Variants in EPHB4 observed in about 807,000 individuals in gnomAD.
EPHB4 encodes the protein ephrin type-B receptor 4.
Under a neutral mutation model 110.6 loss-of-function variants are expected in EPHB4, and 50 were observed. The ratio of observed to expected loss-of-function variants is 0.45; its 90% confidence interval spans 0.36 to 0.57. The LOEUF is 0.57. Among genes scored for constraint, EPHB4 ranks in the 20% least tolerant of loss-of-function variants. EPHB4 has a pLI of 0.00. For synonymous variants in EPHB4, 592 were observed against 578.4 expected (o/e 1.02, Z -0.34); for missense variants, 1,128 against 1,382.1 (o/e 0.82, Z 2.91).
intron 8 of EPHB4, among the ~76,000 whole-genome samples, chr7:100,816,171 A>G (rs1350295940): frequency 6.6e-6 from 1 of 152,026 alleles, no homozygotes; most frequent in Admixed American, 6.6e-5. Context: ...GTCTCAAAAA[A>G]AAAAATGTGA....
At chr7:100,826,846 C>T in intron 1 of EPHB4, 133 bp downstream of exon 1, 1 of 910,906 alleles carries the variant, frequency 1.1e-6, no homozygotes, top group Non-Finnish European at 1.5e-6. Context: ...CCAGCACTAT[C>T]GGTCCGAAGT....
chr7:100,823,413 G>A (rs938331997), intron 3 of EPHB4, among the ~76,000 whole-genome samples: 5 of 152,038 alleles, frequency 3.3e-5, no homozygotes, highest in Admixed American at 1.3e-4. Flanking sequence ...GTGACTGGAG[G>A]AGAAGCCTGA....
intron 2 of EPHB4, 46 bp from the exon 3 acceptor site, chr7:100,823,977 G>A (rs745350161): frequency 1.8e-5 from 28 of 1,535,630 alleles, no homozygotes; most frequent in Non-Finnish European, 2.5e-5. Flanking sequence ...AGCCGCCAGG[G>A]AGAGGGCTGC....
chr7:100,808,038 C>T (rs546739462), intron 12 of EPHB4, among the ~76,000 whole-genome samples: 1 of 152,304 alleles, frequency 6.6e-6, no homozygotes, highest in Admixed American at 6.5e-5. Context: ...TTTCTCTTTT[C>T]CCAAGTTTTC....
Position 100,813,720 on chromosome 7 carries a change from T to C in EPHB4, c.1692-4A>G, listed in dbSNP as rs377351816. 37 of 1,614,036 alleles carry C rather than the reference T, an allele frequency of 2.3e-5. No homozygotes were observed. Among genetic ancestry groups the C allele is most frequent in the East Asian group, 4.5e-5 (2 of 44,892 alleles). On this transcript the variant is annotated splice_polypyrimidine_tract_variant and splice_region_variant and intron_variant, in intron 9 of 16. Transcript: ENST00000358173. ...TTCTCTCCCATTGCTCTGCTTCCTG[T>C]AGCCGATGGGAAAGGAACAAAAGGT...
chr7:100,806,362 C>T lies in EPHB4; in HGVS notation c.2484+58G>A, dbSNP rs1050266760. 3.2e-6 allele frequency: 5 copies of T among 1,563,040 alleles called. No individual in the cohort carries two copies. The African/African-American group carries it at 6.8e-5, about 21-fold the overall frequency. ...ACTCTCTGGGAACCCACCCTTCACC[C>T]CAAATCCCAGGTGAGAGAACACTCG... On this transcript the variant is annotated intron_variant, in intron 14 of 16. Transcript: ENST00000358173.
chr7:100,826,827 C>G (rs959977891), intron 1 of EPHB4, 152 bp downstream of exon 1: 5 of 764,342 alleles, frequency 6.5e-6, no homozygotes, highest in East Asian at 6.8e-5. Context: ...TCCCCGCCCC[C>G]CTCCCGTTCC....
In EPHB4 at chr7:100,822,287, C is replaced by T. The variant is rs1813254353; in HGVS notation, c.792G>A (p.Gly264=). 6.4e-7 allele frequency: 1 copy of T among 1,562,738 alleles called. No individual in the cohort carries two copies. The highest frequency in any genetic ancestry group is 8.7e-7 in the Non-Finnish European group (1 of 1,152,590). Residue 264 remains glycine, a synonymous_variant, in exon 4 of 17, where the codon GGG becomes GGA. Transcript: ENST00000358173. The surrounding 1 kb of genome is among the most constrained non-coding windows in gnomAD (Gnocchi z 4.7). ...AGCTCTCACCTCGGCACTTGGTGTT[C>T]CCCTCAGCTGCCTCGAACCCCGGAG... is the stretch of plus-strand genomic sequence containing the variant. ...SCAPGFEAAE[G]NTKCRACAQG...
In EPHB4 at chr7:100,803,597, A is replaced by G; in HGVS notation, c.2835-7T>C. The G allele has an allele frequency of 1.3e-6, 2 of 1,597,978 alleles. No individual in the cohort carries two copies. Among genetic ancestry groups the G allele is most frequent in the Non-Finnish European group, 1.7e-6 (2 of 1,169,146 alleles). On this transcript the variant is annotated splice_region_variant and splice_polypyrimidine_tract_variant and intron_variant, in intron 16 of 16. Coordinates refer to ENST00000358173, the MANE Select transcript of EPHB4 (RefSeq NM_004444.5). ...TCCGATTCGGAGCAGGTCCCTGCAG[A>G]AGGAAAGGAGAGCTTGGTGAGACCC...
At chr7:100,809,807 C>A (rs1812891058) in intron 12 of EPHB4, among the ~76,000 whole-genome samples, 1 of 152,198 alleles carries the variant, frequency 6.6e-6, no homozygotes, top group African/African-American at 2.4e-5. Context: ...TGTCACTGAA[C>A]CTTTAAGACC....
rs142571791 is a variant in EPHB4, at chr7:100,822,178, A to G, written c.808+93T>C. ...CAAGCCTCCATTTCAACATCTAACTATACAAAATGGAAACTTAAGAAGTGG... is the reference window on the plus strand; with the variant it reads ...CAAGCCTCCATTTCAACATCTAACTGTACAAAATGGAAACTTAAGAAGTGG... On this transcript the variant is annotated intron_variant, in intron 4 of 16. Coordinates refer to ENST00000358173, the MANE Select transcript of EPHB4 (RefSeq NM_004444.5). This position sits in a 1 kb window ranked among gnomAD's most constrained non-coding sequence, Gnocchi z 4.7. The G allele has an allele frequency of 2.7e-4, 394 of 1,436,724 alleles. No homozygotes were observed. Among genetic ancestry groups the G allele is most frequent in the Non-Finnish European group, 3.4e-4 (373 of 1,087,740 alleles). The allele number at this position is 1,436,724 out of a possible 1,614,324, so 89.0% of individuals were successfully genotyped here.
rs188779382 is a variant in EPHB4, at chr7:100,810,132, C to T, written c.2119-2552G>A. On this transcript the variant is annotated intron_variant, in intron 12 of 16. Transcript: ENST00000358173. ...GGGCATGGTGGCACTCGCCTGTAGT[C>T]CCAGCTACTCAGGAGGCTGAGGCAG... 9.4e-3 allele frequency among the ~76,000 whole-genome samples: 1,436 copies of T among 152,290 alleles called. 18 individuals are homozygous for T. The highest frequency in any genetic ancestry group is 0.013 in the Non-Finnish European group (908 of 68,018).
chr7:100,816,059 C>T (rs908096688), intron 8 of EPHB4, among the ~76,000 whole-genome samples: 6 of 150,186 alleles, frequency 4.0e-5, no homozygotes, highest in South Asian at 2.1e-4. Flanking sequence ...GAAGCCGAGG[C>T]GGGTGGATCA....
chr7:100,803,173 C>T lies in EPHB4; in HGVS notation c.*288G>A. The T allele has an allele frequency of 3.9e-6, 1 of 253,460 alleles. No individual in the cohort carries two copies. The highest frequency in any genetic ancestry group is 2.2e-5 in the African/African-American group (1 of 45,332). 15.7% of individuals were successfully genotyped at this position (253,460 alleles called of 1,614,324 possible). A position where few individuals can be genotyped will look rare whatever the true frequency, so the allele number is the denominator to read the frequency against. Reference sequence around the variant, plus strand: ...GCACCCATCAAGGTGAGGGGGGCACCTGGGGAGGCTGGGAGATGTTGGGCA... The same window carrying T: ...GCACCCATCAAGGTGAGGGGGGCACTTGGGGAGGCTGGGAGATGTTGGGCA... On this transcript the variant is annotated 3_prime_UTR_variant, in exon 17 of 17. Transcript: ENST00000358173.
At chr7:100,818,424 A>C in intron 7 of EPHB4, 96 bp downstream of exon 7, 1 of 1,546,408 alleles carries the variant, frequency 6.5e-7, no homozygotes, top group Non-Finnish European at 8.8e-7. Flanking sequence ...GCAGAGCTGG[A>C]ATTCAAATGC....
At chr7:100,820,812 G>A (rs564426591) in intron 4 of EPHB4, among the ~76,000 whole-genome samples, 6 of 151,896 alleles carry the variant, frequency 4.0e-5, no homozygotes, top group African/African-American at 1.4e-4. Context: ...CTGTGATACT[G>A]AAGTCACCAT....
chr7:100,816,984 G>A (rs1813087042), intron 8 of EPHB4, among the ~76,000 whole-genome samples: 1 of 151,374 alleles, frequency 6.6e-6, no homozygotes, highest in Non-Finnish European at 1.5e-5. Context: ...TCGGGAGGCT[G>A]AGGCAGGAGA....
intron 4 of EPHB4, 154 bp from the exon 5 acceptor site, chr7:100,820,450 T>C (rs1584664228): frequency 3.2e-6 from 2 of 633,280 alleles, no homozygotes; most frequent in East Asian, 3.4e-5. Flanking sequence ...GGGCAACATA[T>C]CGAGATCCCA....
chr7:100,805,810 A>T, intron 14 of EPHB4, 116 bp from the exon 15 acceptor site: 1 of 1,032,692 alleles, frequency 9.7e-7, no homozygotes, highest in South Asian at 2.8e-5. Flanking sequence ...CCCCCCAAAA[A>T]ATAACAGATC....
Sources: allele counts gnomAD v4.1 joint callset (sites outside exome capture counted in the v4.1 genomes callset), GRCh38; gene constraint gnomAD v4.1.1; non-coding constraint Gnocchi (gnomAD v3.1); transcripts MANE v1.5; gene names NCBI Gene and HGNC (gene_info 2026-07-23, HGNC 2026-07-21).